The following SPINK6 variants were observed in gnomAD, a reference collection of about 807,000 sequenced individuals.
SPINK6 encodes the protein serine protease inhibitor Kazal-type 6.
Under a neutral mutation model 11.7 loss-of-function variants are expected in SPINK6, and 13 were observed. The observed-to-expected ratio is 1.11, with a 90% confidence interval of 0.72 to 1.76. The LOEUF (loss-of-function observed/expected upper bound fraction) is 1.76. SPINK6 is among the 40% of genes most tolerant of loss of function. The probability of loss-of-function intolerance (pLI) is 0.00; values close to 1 mark genes in which losing one functional copy is unlikely to be tolerated. For synonymous variants in SPINK6, 21 were observed against 31.9 expected, an observed-to-expected ratio of 0.66 and a Z score of 1.15; for missense variants, 98 against 93.7, an observed-to-expected ratio of 1.05 and a Z score of -0.19.
At chr5:148,204,537 A>G (rs921163013) in intron 1 of SPINK6, among the ~76,000 whole-genome samples, 1 of 150,618 alleles carries the variant, frequency 6.6e-6, no homozygotes, top group Non-Finnish European at 1.5e-5. Flanking sequence ...ATGCTGAAAC[A>G]GAGTAAAGTG....
At chr5:148,210,007 C>CATACACTCGTACGTATGT (rs1554112271) in intron 2 of SPINK6, among the ~76,000 whole-genome samples, 2 of 105,734 alleles carry the variant, frequency 1.9e-5, no homozygotes, top group East Asian at 2.9e-4. Flanking sequence ...CGTATGTATA[C>CATACACTCGTACGTATGT]ATGTATGTAC....
chr5:148,209,991 T>TACACACGTACGCATGTATGTATAC lies in SPINK6; in HGVS notation c.82-3918_82-3917insCACACGTACGCATGTATGTATACA, dbSNP rs1398978551. 6.9e-5 allele frequency among the ~76,000 whole-genome samples: 10 copies of TACACACGTACGCATGTATGTATAC among 145,508 alleles called. 1 individual carries two copies. In the East Asian group the frequency reaches 2.2e-3, roughly 32 times the overall value. Reference sequence around the variant, plus strand: ...ACATACGTACGTATGTATGTATACATATACACGTATGTATACATGTATGTA... The same window carrying TACACACGTACGCATGTATGTATAC: ...ACATACGTACGTATGTATGTATACATACACACGTACGCATGTATGTATACATACACGTATGTATACATGTATGTA... On this transcript the variant is annotated intron_variant, in intron 2 of 3. Transcript: ENST00000325630.
chr5:148,202,811 AG>A, upstream of SPINK6: 2 of 306,964 alleles, frequency 6.5e-6, no homozygotes, highest in Non-Finnish European at 1.2e-5. Flanking sequence ...AACTTTAGAA[AG>A]AAGAGCCGGG....
chr5:148,206,657 G>T (rs1023723063), intron 2 of SPINK6, among the ~76,000 whole-genome samples: 2 of 152,172 alleles, frequency 1.3e-5, no homozygotes, highest in Admixed American at 6.5e-5. Context: ...AAACTGGAAT[G>T]AGCACAAGTT....
intron 2 of SPINK6, among the ~76,000 whole-genome samples, chr5:148,209,830 C>G (rs184686232): frequency 4.6e-4 from 69 of 151,538 alleles, no homozygotes; most frequent in South Asian, 2.3e-3. Context: ...ATGCTGCTAT[C>G]ATGAAAAATG....
chr5:148,204,139 T>TAA, intron 1 of SPINK6, among the ~76,000 whole-genome samples: 1 of 150,438 alleles, frequency 6.6e-6, no homozygotes, highest in African/African-American at 2.4e-5. Context: ...GATGTACAAG[T>TAA]AAAAAAAAAA....
intron 2 of SPINK6, among the ~76,000 whole-genome samples, chr5:148,206,935 T>C (rs1446091623): frequency 1.3e-5 from 2 of 152,298 alleles, no homozygotes; most frequent in East Asian, 3.9e-4. Flanking sequence ...CCAACCCTGA[T>C]ATACCCACTG....
intron 3 of SPINK6, among the ~76,000 whole-genome samples, chr5:148,214,653 G>T (rs993405107): frequency 6.6e-6 from 1 of 152,050 alleles, no homozygotes; most frequent in Non-Finnish European, 1.5e-5. Flanking sequence ...TTTACTCTTG[G>T]AGAATGAGCA....
chr5:148,208,519 A>C (rs1230473928), intron 2 of SPINK6, among the ~76,000 whole-genome samples: 1 of 152,210 alleles, frequency 6.6e-6, no homozygotes, highest in Non-Finnish European at 1.5e-5. Context: ...AACTGATGGG[A>C]AATTATAGTT....
chr5:148,210,856 G>A (rs1390684133), intron 2 of SPINK6, among the ~76,000 whole-genome samples: 3 of 151,834 alleles, frequency 2.0e-5, no homozygotes, highest in Admixed American at 1.3e-4. Flanking sequence ...GAAAGGGGAG[G>A]GAAATAAGGG....
intron 1 of SPINK6, among the ~76,000 whole-genome samples, chr5:148,205,749 G>GT (rs1481758918): frequency 6.6e-6 from 1 of 151,988 alleles, no homozygotes; most frequent in African/African-American, 2.4e-5. Context: ...GGCTAGGACT[G>GT]TAACATGAAT....
At chr5:148,208,916 C>T (rs1755533706) in intron 2 of SPINK6, among the ~76,000 whole-genome samples, 1 of 152,146 alleles carries the variant, frequency 6.6e-6, no homozygotes, top group Non-Finnish European at 1.5e-5. Flanking sequence ...TATTTGGGAA[C>T]CTTATCCTTA....
rs1183574504 is a variant in SPINK6, at chr5:148,206,866, A to G, written c.81+808A>G. 1.8e-4 allele frequency among the ~76,000 whole-genome samples: 28 copies of G among 152,240 alleles called. 1 individual carries two copies. The highest frequency in any genetic ancestry group is 1.8e-3 in the Admixed American group (28 of 15,278). Reference sequence around the variant, plus strand: ...CGTGCCTTGTTATACCTTTGACATGAAAATTTCTAGACACTACTGCTAACT... The same window carrying G: ...CGTGCCTTGTTATACCTTTGACATGGAAATTTCTAGACACTACTGCTAACT... On this transcript the variant is annotated intron_variant, in intron 2 of 3. Transcript: ENST00000325630.
intron 2 of SPINK6, among the ~76,000 whole-genome samples, chr5:148,207,153 T>TGATAGTATG (rs1481574809): frequency 6.6e-6 from 1 of 152,016 alleles, no homozygotes; most frequent in African/African-American, 2.4e-5. Flanking sequence ...TAAATAAGCA[T>TGATAGTATG]GATAGTATGG....
intron 2 of SPINK6, among the ~76,000 whole-genome samples, chr5:148,210,500 A>G (rs191213588): frequency 3.6e-4 from 28 of 77,372 alleles, no homozygotes; most frequent in African/African-American, 6.4e-4. Context: ...ATATGTATGT[A>G]TTTGACCATT....
At chr5:148,210,013 T>TAC (rs71583970) in intron 2 of SPINK6, among the ~76,000 whole-genome samples, 139 of 143,132 alleles carry the variant, frequency 9.7e-4, no homozygotes, top group South Asian at 1.1e-3. Flanking sequence ...TATACATGTA[T>TAC]GTACGCATGT....
In SPINK6 at chr5:148,205,766, A is replaced by G. The variant is rs549575913; in HGVS notation, c.59-270A>G. Among the ~76,000 whole-genome samples, 13 of 152,112 alleles carry G rather than the reference A, an allele frequency of 8.5e-5. No individual in the cohort carries two copies. In the East Asian group the frequency reaches 2.5e-3, roughly 29 times the overall value. The stretch of plus-strand genomic sequence containing the variant: ...CTAGGACTGTAACATGAATTTCCAG[A>G]TCCTTAATCCATTTTTTTTCTACCC... On this transcript the variant is annotated intron_variant, in intron 1 of 3. Transcript: ENST00000325630.
intron 1 of SPINK6, among the ~76,000 whole-genome samples, chr5:148,203,884 T>A (rs1755465394): frequency 6.6e-6 from 1 of 152,148 alleles, no homozygotes; most frequent in South Asian, 2.1e-4. Context: ...GCTATTTTCT[T>A]CCTTATTATT....
upstream of SPINK6, chr5:148,202,967 GC>G (rs1581138955): frequency 8.8e-6 from 5 of 570,320 alleles, no homozygotes; most frequent in East Asian, 1.5e-4. Flanking sequence ...GTGTTGGCAG[GC>G]CCCATTAAAT....
Sources: gnomAD v4.1 joint callset for allele counts (sites outside exome capture counted in the v4.1 genomes callset) on GRCh38, gnomAD v4.1.1 for gene constraint, MANE v1.5 for transcripts, NCBI Gene and HGNC (gene_info 2026-07-23, HGNC 2026-07-21) for gene names.